The following RABEP1 variants were observed in gnomAD, a reference collection of about 807,000 sequenced individuals.
RABEP1 encodes rab GTPase-binding effector protein 1.
Under a neutral mutation model 123.4 loss-of-function variants are expected in RABEP1, and 51 were observed. That is an observed-to-expected ratio of 0.41 (90% CI 0.33 to 0.52). The LOEUF is 0.52. Among genes scored for constraint, RABEP1 ranks in the 20% least tolerant of loss-of-function variants. The pLI is 0.16. For missense variants in RABEP1, 888 were observed against 996.3 expected (o/e 0.89, Z 1.46); for synonymous variants, 347 against 355.2 (o/e 0.98, Z 0.26).
rs373123942 is a variant in RABEP1 at position 5,317,594 on chromosome 17, A to AAAAGG, written c.163+8785_163+8789dup. Reference sequence around the variant, plus strand: ...GGGCACTTACCCAAAGAAAGAAAGAAAAAGGAAAGGAAAGGAATCCATACT... The same window carrying AAAAGG: ...GGGCACTTACCCAAAGAAAGAAAGAAAAAGGAAAGGAAAGGAAAGGAATCCATACT... On this transcript the variant is annotated intron_variant, in intron 2 of 17. Transcript: ENST00000537505. Among the ~76,000 whole-genome samples the AAAAGG allele has an allele frequency of 4.0e-5, 6 of 149,854 alleles. No individual in the cohort carries two copies. The East Asian group carries it at 9.8e-4, about 24-fold the overall frequency.
intron 13 of RABEP1, 125 bp from the exon 14 acceptor site, chr17:5,376,991 A>C (rs1330728555): frequency 1.0e-6 from 1 of 984,734 alleles, no homozygotes; most frequent in African/African-American, 1.7e-5. Flanking sequence ...AAGTGGCTTA[A>C]TGGTCAAAGT....
At chr17:5,327,263 G>A (rs1396427481) in intron 2 of RABEP1, among the ~76,000 whole-genome samples, 2 of 151,530 alleles carry the variant, frequency 1.3e-5, no homozygotes, top group Non-Finnish European at 2.9e-5. Context: ...CAGGAGAATC[G>A]CTTGAACTTG....
rs186794021 is a variant in RABEP1 at position 5,382,002 on chromosome 17, C to A, written c.2487+497C>A. On this transcript the variant is annotated intron_variant, in intron 17 of 17. Transcript: ENST00000537505. ...CCTCCCTCTGCCATGCTCCCTCGGG[C>A]ACTCTATGAATGCCTGTAATGACAC... 2.2e-3 allele frequency among the ~76,000 whole-genome samples: 340 copies of A among 152,210 alleles called. 2 individuals are homozygous for A. The highest frequency in any genetic ancestry group is 7.5e-3 in the African/African-American group (312 of 41,550).
At chr17:5,323,861 T>C (rs957102890) in intron 2 of RABEP1, among the ~76,000 whole-genome samples, 1 of 137,080 alleles carries the variant, frequency 7.3e-6, no homozygotes, top group African/African-American at 2.7e-5. Flanking sequence ...TATCTAGGAA[T>C]ATATATATAT....
At position 5,322,157 on chromosome 17, in the gene RABEP1, G is replaced by A. The variant is rs146352121; in HGVS notation, c.164-9792G>A. On this transcript the variant is annotated intron_variant, in intron 2 of 17. Transcript: ENST00000537505. ...GGAGGTTGCAGTGAGCTGAGATTGC[G>A]CCATTGCACTCCAGCCTGGGCAACA... Among the ~76,000 whole-genome samples, 105 of 152,246 alleles carry A rather than the reference G, an allele frequency of 6.9e-4. 1 individual carries two copies. Among genetic ancestry groups the A allele is most frequent in the African/African-American group, 2.4e-3 (99 of 41,540 alleles).
At chr17:5,362,522 T>A (rs1909640765) in intron 9 of RABEP1, among the ~76,000 whole-genome samples, 1 of 152,254 alleles carries the variant, frequency 6.6e-6, no homozygotes, top group South Asian at 2.1e-4. Flanking sequence ...GAGAAGGTGC[T>A]ATTTACTAGT....
intron 8 of RABEP1, among the ~76,000 whole-genome samples, chr17:5,358,905 C>T (rs1215835216): frequency 2.0e-5 from 3 of 151,922 alleles, no homozygotes; most frequent in Non-Finnish European, 4.4e-5. Context: ...AGACTACAGG[C>T]GTGTGGTACC....
chr17:5,331,600 CG>C (rs1906551996), intron 2 of RABEP1, among the ~76,000 whole-genome samples: 1 of 152,120 alleles, frequency 6.6e-6, no homozygotes, highest in Non-Finnish European at 1.5e-5. Flanking sequence ...TACTAATTAG[CG>C]TTTCCAATAA....
chr17:5,382,543 GTTTGAGACCAGA>G (rs1911565157), intron 17 of RABEP1, among the ~76,000 whole-genome samples: 1 of 150,000 alleles, frequency 6.7e-6, no homozygotes, highest in Non-Finnish European at 1.5e-5. Context: ...GAGGTCAGGA[GTTTGAGACCAGA>G]TTGACCAACA....
At chr17:5,342,305 A>G (rs144489281) in intron 5 of RABEP1, among the ~76,000 whole-genome samples, 3 of 152,336 alleles carry the variant, frequency 2.0e-5, no homozygotes, top group Non-Finnish European at 4.4e-5. Context: ...AGACTACATA[A>G]TAAATGAGGA....
chr17:5,366,812 G>A (rs945347791), intron 11 of RABEP1, among the ~76,000 whole-genome samples: 3 of 151,702 alleles, frequency 2.0e-5, no homozygotes, highest in Non-Finnish European at 2.9e-5. Flanking sequence ...AAATTTGGCC[G>A]GGCACGGTGG....
intron 15 of RABEP1, among the ~76,000 whole-genome samples, chr17:5,379,280 C>T (rs1911251175): frequency 6.6e-6 from 1 of 152,302 alleles, no homozygotes; most frequent in Middle Eastern, 3.4e-3. Flanking sequence ...AATATCATGA[C>T]CTGCTTCTGA....
chr17:5,353,295 T>A (rs1329572666), intron 7 of RABEP1, among the ~76,000 whole-genome samples: 2 of 152,242 alleles, frequency 1.3e-5, no homozygotes, highest in Non-Finnish European at 2.9e-5. Context: ...CTTTCAAGAT[T>A]CAGCTGAAGT....
intron 2 of RABEP1, among the ~76,000 whole-genome samples, chr17:5,311,169 C>A (rs570092515): frequency 3.3e-4 from 50 of 152,086 alleles, no homozygotes; most frequent in Non-Finnish European, 6.5e-4. Flanking sequence ...TGGCTTCCCC[C>A]CTCAGAGACG....
At position 5,316,849 on chromosome 17, in the gene RABEP1, A is replaced by T. The variant is rs1194362896; in HGVS notation, c.163+8027A>T. On this transcript the variant is annotated intron_variant, in intron 2 of 17. Transcript: ENST00000537505. ...CTCTGTCTCAAAAAAAAAAAAAAAA[A>T]AAAAAAATATAAGAAACAATACAAA... 2.8e-4 allele frequency among the ~76,000 whole-genome samples: 43 copies of T among 151,268 alleles called. 1 individual carries two copies. Among genetic ancestry groups the T allele is most frequent in the African/African-American group, 1.0e-3 (42 of 41,350 alleles).
intron 11 of RABEP1, 59 bp downstream of exon 11, chr17:5,365,297 G>T (rs1386300084): frequency 8.6e-7 from 1 of 1,164,222 alleles, no homozygotes; most frequent in Non-Finnish European, 1.2e-6. Flanking sequence ...TTAAATGAAA[G>T]ATTCAAAAAA....
At chr17:5,316,939 C>T (rs1007001215) in intron 2 of RABEP1, among the ~76,000 whole-genome samples, 2 of 151,092 alleles carry the variant, frequency 1.3e-5, no homozygotes, top group African/African-American at 2.4e-5. Flanking sequence ...AAGTCTTGCT[C>T]TGTCACCCAG....
At position 5,365,322 on chromosome 17, in the gene RABEP1, T is replaced by C. The variant is rs556602491; in HGVS notation, c.1785+84T>C. The C allele has an allele frequency of 5.2e-6, 5 of 966,696 alleles. No homozygotes were observed. In the East Asian group the frequency reaches 1.1e-4, roughly 22 times the overall value. The allele number at this position is 966,696 out of a possible 1,614,324, so 59.9% of individuals were successfully genotyped here. ...GATTCAAAAAATATAGTCATGTTTT[T>C]TTTTGCCTTGAAGATTTGGCAGTTT... On this transcript the variant is annotated intron_variant, in intron 11 of 17. Transcript: ENST00000537505.
At chr17:5,302,536 C>T (rs1461521430) in intron 1 of RABEP1, among the ~76,000 whole-genome samples, 3 of 151,548 alleles carry the variant, frequency 2.0e-5, no homozygotes, top group South Asian at 2.1e-4. Flanking sequence ...CCACCACACC[C>T]GGCCAGCTTA....
Sources: allele counts gnomAD v4.1 joint callset (sites outside exome capture counted in the v4.1 genomes callset), GRCh38; gene constraint gnomAD v4.1.1; transcripts MANE v1.5; gene names NCBI Gene and HGNC (gene_info 2026-07-23, HGNC 2026-07-21).